The following ZNF383 variants were observed in gnomAD, a reference collection of about 807,000 sequenced individuals.
ZNF383 encodes zinc finger protein 383.
In ZNF383, 32 loss-of-function variants were observed where a neutral mutation model predicts 44.2. The ratio of observed to expected loss-of-function variants is 0.72; its 90% CI spans 0.55 to 0.97. The LOEUF (loss-of-function observed/expected upper bound fraction) is 0.97, where lower values mean the gene tolerates loss of function less well. ZNF383 is among the 50% of genes least tolerant of loss of function. ZNF383 has a pLI of 0.00. For synonymous variants in ZNF383, 155 were observed against 186.2 expected, an observed-to-expected ratio of 0.83 and a Z score of 1.36; for missense variants, 487 against 562.5, an observed-to-expected ratio of 0.87 and a Z score of 1.36.
chr19:37,222,521 C>T (rs1484382457), intron 1 of ZNF383, among the ~76,000 whole-genome samples: 2 of 152,048 alleles, frequency 1.3e-5, no homozygotes, highest in African/African-American at 4.8e-5. Flanking sequence ...AGATTACAGG[C>T]GCACGCCACC....
chr19:37,226,927 G>A (rs1973194258), intron 2 of ZNF383, among the ~76,000 whole-genome samples: 1 of 151,202 alleles, frequency 6.6e-6, no homozygotes, highest in Non-Finnish European at 1.5e-5. Flanking sequence ...TCCTGCCTCA[G>A]CCTCCCAAGT....
At chr19:37,241,303 A>G (rs2145538623) in intron 5 of ZNF383, among the ~76,000 whole-genome samples, 1 of 152,338 alleles carries the variant, frequency 6.6e-6, no homozygotes, top group South Asian at 2.1e-4. Flanking sequence ...CAGCCAGCTA[A>G]CAGCAATAAA....
intron 5 of ZNF383, among the ~76,000 whole-genome samples, chr19:37,236,593 C>CG (rs1555783783): frequency 6.8e-6 from 1 of 146,330 alleles, no homozygotes; most frequent in Non-Finnish European, 1.5e-5. Context: ...TTTTTTGAGA[C>CG]GGAGTCTCGC....
At chr19:37,232,397 A>C (rs904559534) in intron 3 of ZNF383, among the ~76,000 whole-genome samples, 4 of 152,152 alleles carry the variant, frequency 2.6e-5, no homozygotes, top group Admixed American at 1.3e-4. Context: ...AGGTCTATAT[A>C]GCTAACTGGT....
Position 37,224,882 on chromosome 19 carries a change from T to A in ZNF383, c.-103T>A. 1 of 152,482 alleles carries A rather than the reference T, an allele frequency of 6.6e-6. No individual in the cohort carries two copies. The highest frequency in any genetic ancestry group is 2.1e-4 in the South Asian group (1 of 4,828). The allele number at this position is 152,482 out of a possible 1,614,324, so 9.4% of individuals were successfully genotyped here. On this transcript the variant is annotated 5_prime_UTR_variant, in exon 2 of 6. Coordinates refer to ENST00000684119, the MANE Select transcript of ZNF383 (RefSeq NM_001387601.1). Reference sequence around the variant, plus strand: ...CATGATCTCAGCTCACTGCAGCCTCTGCTTTCCGGGTTCAAGCGATTCTCT... The same window carrying A: ...CATGATCTCAGCTCACTGCAGCCTCAGCTTTCCGGGTTCAAGCGATTCTCT...
intron 2 of ZNF383, among the ~76,000 whole-genome samples, chr19:37,225,788 TA>T (rs1378204478): frequency 1.9e-4 from 28 of 150,880 alleles, no homozygotes; most frequent in African/African-American, 3.7e-4. Flanking sequence ...TCATTCAGTT[TA>T]AATTTTTTTT....
chr19:37,220,176 A>G (rs751177219), intron 1 of ZNF383, among the ~76,000 whole-genome samples: 6 of 152,220 alleles, frequency 3.9e-5, no homozygotes, highest in Non-Finnish European at 7.3e-5. Flanking sequence ...ACCATTTCAT[A>G]TCTTGTATTT....
In ZNF383 at chr19:37,236,563, C is replaced by G. The variant is rs192358699; in HGVS notation, c.232+489C>G. 6.3e-3 allele frequency among the ~76,000 whole-genome samples: 947 copies of G among 150,228 alleles called. 28 individuals carry two copies. Among genetic ancestry groups the G allele is most frequent in the East Asian group, 0.051 (257 of 5,048 alleles). ...CCACCATGCCTGGCTAATTCTTTTT[C>G]TTCTTCTGCATTTTTTTTTTTTTTT... is the stretch of plus-strand genomic sequence containing the variant. On this transcript the variant is annotated intron_variant, in intron 5 of 5. Transcript: ENST00000684119.
chr19:37,237,672 C>G (rs1012250184), intron 5 of ZNF383, among the ~76,000 whole-genome samples: 18 of 152,150 alleles, frequency 1.2e-4, no homozygotes, highest in Non-Finnish European at 2.4e-4. Flanking sequence ...GATCTGGAGG[C>G]TAAGAATTCT....
At chr19:37,229,482 A>T in intron 2 of ZNF383, among the ~76,000 whole-genome samples, 1 of 131,166 alleles carries the variant, frequency 7.6e-6, no homozygotes. Context: ...TTTTTGAGTC[A>T]GAGTCTCACC....
chr19:37,222,625 G>A (rs113149884), intron 1 of ZNF383, among the ~76,000 whole-genome samples: 2,350 of 152,200 alleles, frequency 0.015, 50 homozygotes, highest in East Asian at 0.052. Context: ...TGATCCGCCC[G>A]CCTCGGCCTC....
At chr19:37,236,980 CACACACACACACACAG>C (rs1002107492) in intron 5 of ZNF383, among the ~76,000 whole-genome samples, 3 of 150,892 alleles carry the variant, frequency 2.0e-5, no homozygotes, top group African/African-American at 7.3e-5. Flanking sequence ...CACACACACA[CACACACACACACACAG>C]AGACACACAC....
rs1974201511 is a variant in ZNF383, at chr19:37,242,959, T to C, written c.723T>C (p.Leu241=). 6.2e-6 allele frequency: 10 copies of C among 1,614,176 alleles called. No individual in the cohort carries two copies. Among genetic ancestry groups the C allele is most frequent in the Non-Finnish European group, 8.5e-6 (10 of 1,180,032 alleles). ...AGGCCTTCAGTTGTAGCTCATACCT[T>C]TCTCAACATCAGAGAATCCATACCG... ...CGKAFSCSSY[L]SQHQRIHTGK... is the part of the protein sequence containing the mutation. Residue 241 remains leucine, a synonymous_variant, in exon 6 of 6, where the codon CTT becomes CTC. Transcript: ENST00000684119.
At chr19:37,226,300 A>G (rs1167789001) in intron 2 of ZNF383, among the ~76,000 whole-genome samples, 1 of 152,128 alleles carries the variant, frequency 6.6e-6, no homozygotes, top group East Asian at 1.9e-4. Context: ...CCCATCATCA[A>G]CATCCTCCAC....
At chr19:37,221,769 C>G (rs1350372868) in intron 1 of ZNF383, among the ~76,000 whole-genome samples, 1 of 145,602 alleles carries the variant, frequency 6.9e-6, no homozygotes, top group East Asian at 2.0e-4. Context: ...ACGGTGAAAC[C>G]CCGTCTCTAC....
At chr19:37,222,522 G>A (rs150765317) in intron 1 of ZNF383, among the ~76,000 whole-genome samples, 3,735 of 151,994 alleles carry the variant, frequency 0.025, 176 homozygotes, top group African/African-American at 0.085. Flanking sequence ...GATTACAGGC[G>A]CACGCCACCA....
intron 5 of ZNF383, among the ~76,000 whole-genome samples, chr19:37,237,864 A>ATT (rs776649087): frequency 2.1e-5 from 3 of 139,902 alleles, no homozygotes; most frequent in African/African-American, 5.2e-5. Context: ...CGTTTTTGGA[A>ATT]TTTTTTTTTT....
At chr19:37,232,202 G>T (rs891767855) in intron 3 of ZNF383, among the ~76,000 whole-genome samples, 2 of 151,816 alleles carry the variant, frequency 1.3e-5, no homozygotes, top group Non-Finnish European at 2.9e-5. Context: ...AGCCTCTCGA[G>T]TAGCTGTGAC....
chr19:37,241,657 AGT>A (rs1852253304), intron 5 of ZNF383, among the ~76,000 whole-genome samples: 1 of 152,226 alleles, frequency 6.6e-6, no homozygotes, highest in East Asian at 1.9e-4. Flanking sequence ...ATCACAAGCT[AGT>A]GTTTCTGGTA....
Sources: allele counts gnomAD v4.1 joint callset (sites outside exome capture counted in the v4.1 genomes callset), GRCh38; gene constraint gnomAD v4.1.1; transcripts MANE v1.5; gene names NCBI Gene and HGNC (gene_info 2026-07-23, HGNC 2026-07-21).